The following LTN1 variants were observed in gnomAD, a reference collection of about 807,000 sequenced individuals.
The protein encoded by LTN1 is listerin E3 ubiquitin protein ligase 1, also known as E3 ubiquitin-protein ligase listerin.
LTN1 carries 88 observed loss-of-function variants against 201.2 expected under a neutral mutation model. The observed-to-expected ratio is 0.44, with a 90% CI of 0.37 to 0.52. The LOEUF (loss-of-function observed/expected upper bound fraction) is 0.52, where lower values mean the gene tolerates loss of function less well. LTN1 is among the 20% of genes least tolerant of loss of function. The pLI is 0.00. For missense variants in LTN1, 1,752 were observed against 2,038.7 expected (o/e 0.86, Z 2.71); for synonymous variants, 645 against 713.5 (o/e 0.90, Z 1.53).
Position 28,932,654 on chromosome 21 carries a change from C to G in LTN1, c.4886G>C (p.Arg1629Pro). ...QLFNGMTVKARATTREVMATY... is the reference protein window; with the variant it reads ...QLFNGMTVKAPATTREVMATY... ...AGCCATTACCTCTCGAGTAGTAGCT[C>G]GAGCTTTAACCTGCAATACAACAAA... Residue 1629 changes from arginine to proline, a missense_variant, in exon 28 of 30, where the codon CGA becomes CCA. Physicochemically the swap from Arg to Pro is moderately radical, Grantham distance 103. Around this residue, in one of 3 missense-constraint regions of LTN1, gnomAD observed 261 missense variants for 350.1 expected, o/e 0.75. Transcript: ENST00000361371. 1 of 1,608,210 alleles carries G rather than the reference C, an allele frequency of 6.2e-7. No individual in the cohort carries two copies. The highest frequency in any genetic ancestry group is 8.5e-7 in the Non-Finnish European group (1 of 1,177,514).
In LTN1 at chr21:28,952,203, T is replaced by A; in HGVS notation, c.3301A>T (p.Ile1101Phe). The A allele has an allele frequency of 6.2e-7, 1 of 1,611,038 alleles. No individual in the cohort carries two copies. The highest frequency in any genetic ancestry group is 8.5e-7 in the Non-Finnish European group (1 of 1,178,238). The change falls in exon 18 of 30, where the codon ATT (isoleucine) becomes TTT (phenylalanine). Residue 1101 changes from isoleucine (I) to phenylalanine (F), a missense_variant. Around this residue, in one of 3 missense-constraint regions of LTN1, gnomAD observed 1,211 missense variants for 1,312.8 expected, o/e 0.92. Coordinates refer to ENST00000361371, the MANE Select transcript of LTN1 (RefSeq NM_015565.3). ...IIAKLILSRS[I>F]SSDEVKPHYK... ...TGTGGTTTTACTTCATCAGATGAAA[T>A]GCTTCGGGAAAGGATCAACTTAGCA...
At chr21:28,947,356 A>G in intron 19 of LTN1, 108 bp downstream of exon 19, 1 of 856,804 alleles carries the variant, frequency 1.2e-6, no homozygotes. Flanking sequence ...AGAACAAATC[A>G]GCTGTAATTC....
intron 17 of LTN1, 132 bp downstream of exon 17, chr21:28,953,085 T>G: frequency 2.0e-6 from 1 of 511,324 alleles, no homozygotes. Flanking sequence ...CTATTTATTA[T>G]TAAGAATAGG....
At position 28,932,667 on chromosome 21, in the gene LTN1, G is replaced by A; in HGVS notation, c.4876-3C>T. ...CGAGTAGTAGCTCGAGCTTTAACCT[G>A]CAATACAACAAAGGATATTTTGTTT... On this transcript the variant is annotated splice_region_variant and splice_polypyrimidine_tract_variant and intron_variant, in intron 27 of 29. Transcript: ENST00000361371. The A allele has an allele frequency of 6.3e-7, 1 of 1,592,984 alleles. No individual in the cohort carries two copies. Among genetic ancestry groups the A allele is most frequent in the South Asian group, 1.1e-5 (1 of 88,248 alleles).
chr21:28,978,317 C>G (rs994597625), intron 6 of LTN1, among the ~76,000 whole-genome samples: 1 of 152,160 alleles, frequency 6.6e-6, no homozygotes, highest in Non-Finnish European at 1.5e-5. Context: ...CTGGCATAAG[C>G]CACTGTGCCC....
chr21:28,955,687 G>A (rs2084418920), intron 16 of LTN1, among the ~76,000 whole-genome samples: 4 of 151,968 alleles, frequency 2.6e-5, no homozygotes, highest in African/African-American at 9.7e-5. Context: ...CACTTTGGGA[G>A]GCTGAGACGG....
chr21:28,942,951 T>G (rs2084308562), intron 24 of LTN1, among the ~76,000 whole-genome samples: 2 of 152,182 alleles, frequency 1.3e-5, no homozygotes, highest in South Asian at 4.1e-4. Flanking sequence ...AGCATTTAAT[T>G]AATACTCTGC....
intron 11 of LTN1, chr21:28,961,303 T>A (rs1280256707): frequency 6.5e-6 from 1 of 152,948 alleles, no homozygotes; most frequent in South Asian, 2.1e-4. Flanking sequence ...TAGTGTATAA[T>A]AATGGTAAAT....
chr21:28,957,700 A>G (rs998411463), intron 14 of LTN1, among the ~76,000 whole-genome samples: 2 of 152,164 alleles, frequency 1.3e-5, no homozygotes, highest in Non-Finnish European at 2.9e-5. Flanking sequence ...CTTCCTATCT[A>G]TCTCAGAATG....
chr21:28,933,556 G>A (rs1408996793), intron 27 of LTN1, among the ~76,000 whole-genome samples: 2 of 152,080 alleles, frequency 1.3e-5, no homozygotes, highest in African/African-American at 4.8e-5. Flanking sequence ...TCACCCTTGG[G>A]ACTCCTACGC....
chr21:28,967,772 C>G (rs2084538845), intron 9 of LTN1: 1 of 152,416 alleles, frequency 6.6e-6, no homozygotes. Flanking sequence ...GGTAAAACAG[C>G]CTGGGGCTTG....
chr21:28,979,053 A>G (rs532749959), intron 6 of LTN1, among the ~76,000 whole-genome samples: 1 of 151,528 alleles, frequency 6.6e-6, no homozygotes, highest in Non-Finnish European at 1.5e-5. Flanking sequence ...AGTAGCAGCT[A>G]AATGCTGCCT....
At chr21:28,946,006 GAAAGTATGCTACTTTAA>G in intron 20 of LTN1, 55 bp from the exon 21 acceptor site, 1 of 1,494,886 alleles carries the variant, frequency 6.7e-7, no homozygotes, top group Non-Finnish European at 9.1e-7. Flanking sequence ...CATTCAATTA[GAAAGTATGCTACTTTAA>G]ATCTTACATA....
intron 9 of LTN1, among the ~76,000 whole-genome samples, chr21:28,968,761 C>T (rs928553911): frequency 6.6e-6 from 1 of 151,806 alleles, no homozygotes; most frequent in Admixed American, 6.5e-5. Flanking sequence ...GCATGCACCA[C>T]CACACCTGGC....
Position 28,943,890 on chromosome 21 carries a change from C to T in LTN1, c.3997G>A (p.Val1333Met). 2.5e-6 allele frequency: 4 copies of T among 1,609,464 alleles called. No homozygotes were observed. Among genetic ancestry groups the T allele is most frequent in the Non-Finnish European group, 3.4e-6 (4 of 1,175,900 alleles). ...GCATTCTGAAAGGATGTTTCAGACA[C>T]ATCTTTGTTTTCTCCTAATGACAAA... is the stretch of plus-strand genomic sequence containing the variant. ...LVTVTGENKD[V>M]SETSFQNAML... The change falls in exon 23 of 30, where the codon GTG becomes ATG. Residue 1333 changes from valine (V) to methionine (M), a missense_variant. Around this residue, in one of 3 missense-constraint regions of LTN1, gnomAD observed 1,211 missense variants for 1,312.8 expected, o/e 0.92. Transcript: ENST00000361371.
chr21:28,931,964 T>C (rs1694343290), intron 28 of LTN1, among the ~76,000 whole-genome samples: 1 of 152,054 alleles, frequency 6.6e-6, no homozygotes, highest in African/African-American at 2.4e-5. Context: ...GATCATGCCA[T>C]TGCACTTCAG....
In LTN1 at chr21:28,928,303, T is replaced by C. The variant is rs2084184836; in HGVS notation, c.*2145A>G. 3.3e-5 allele frequency: 5 copies of C among 152,592 alleles called. No homozygotes were observed. The highest frequency in any genetic ancestry group is 2.6e-4 in the Admixed American group (4 of 15,280). The allele number at this position is 152,592 out of a possible 1,614,324, so 9.5% of individuals were successfully genotyped here. On this transcript the variant is annotated 3_prime_UTR_variant, in exon 30 of 30. Coordinates refer to ENST00000361371, the MANE Select transcript of LTN1 (RefSeq NM_015565.3). The stretch of plus-strand genomic sequence containing the variant: ...TTAATGGGCACATATGGTATAACAA[T>C]CAAATAATAACATTAATTACTTGCA...
rs61753613 is a variant in LTN1, at chr21:28,970,681, C to A, written c.1046G>T (p.Arg349Leu). ...AGTAGCTAGACCCCGACCACCTTCA[C>A]GAATCACAGTTGATAGCTTGGGAAA... ...SVFPKLSTVI[R>L]EGGRGLATVI... The change falls in exon 8 of 30, where the codon CGT (arginine) becomes CTT (leucine). Residue 349 changes from arginine to leucine, a missense_variant. Arg to Leu is a moderately radical substitution (Grantham distance 102, BLOSUM62 -2). Coordinates refer to ENST00000361371, the MANE Select transcript of LTN1 (RefSeq NM_015565.3). The A allele has an allele frequency of 5.6e-6, 9 of 1,613,896 alleles. No homozygotes were observed. The highest frequency in any genetic ancestry group is 7.6e-6 in the Non-Finnish European group (9 of 1,179,928).
Position 28,983,134 on chromosome 21 carries a change from C to G in LTN1, c.577-766G>C, listed in dbSNP as rs2084671634. ...ATTTTGATTTTCATTTGCCTAACTC[C>G]TCTCTAATACATGGGTTTGGAACTG... On this transcript the variant is annotated intron_variant, in intron 4 of 29. Coordinates refer to ENST00000361371, the MANE Select transcript of LTN1 (RefSeq NM_015565.3). 2.0e-5 allele frequency among the ~76,000 whole-genome samples: 3 copies of G among 152,178 alleles called. No homozygotes were observed. The South Asian group carries it at 6.2e-4, about 32-fold the overall frequency.
Sources: gnomAD v4.1 joint callset for allele counts (sites outside exome capture counted in the v4.1 genomes callset) on GRCh38, gnomAD v4.1.1 for gene constraint, gnomAD v4.1.1 regional missense constraint, MANE v1.5 for transcripts, NCBI Gene and HGNC (gene_info 2026-07-23, HGNC 2026-07-21) for gene names.